ADAM12: variants seen among roughly 807,000 people sequenced by gnomAD.
ADAM12 encodes the protein ADAM metallopeptidase domain 12.
A neutral mutation model predicts 106.4 loss-of-function variants in ADAM12; 70 were observed. The ratio of observed to expected loss-of-function variants is 0.66; its 90% CI spans 0.54 to 0.80. The LOEUF (loss-of-function observed/expected upper bound fraction) is 0.80. ADAM12 is among the 30% of genes least tolerant of loss of function. The pLI is 0.00. For missense variants in ADAM12, 1,010 were observed against 1,171.9 expected (o/e 0.86, Z 2.02); for synonymous variants, 420 against 433.5 (o/e 0.97, Z 0.39).
At chr10:126,235,750 C>T (rs892039916) in intron 3 of ADAM12, among the ~76,000 whole-genome samples, 14 of 152,312 alleles carry the variant, frequency 9.2e-5, no homozygotes, top group African/African-American at 3.1e-4. Context: ...AATCTGCTTA[C>T]AAACCATTGG....
chr10:126,103,382 T>C (rs1468060119), intron 8 of ADAM12, among the ~76,000 whole-genome samples: 3 of 152,188 alleles, frequency 2.0e-5, no homozygotes, highest in Non-Finnish European at 4.4e-5. Flanking sequence ...TTCTTCCTAA[T>C]AACCACCACC....
At chr10:126,143,125 T>C (rs575755346) in intron 4 of ADAM12, among the ~76,000 whole-genome samples, 1 of 151,576 alleles carries the variant, frequency 6.6e-6, no homozygotes, top group East Asian at 1.9e-4. Flanking sequence ...TGCATATGCA[T>C]GTGTATATCA....
chr10:126,045,969 A>G (rs1440752749), intron 17 of ADAM12, 86 bp downstream of exon 17: 5 of 1,213,662 alleles, frequency 4.1e-6, no homozygotes, highest in Admixed American at 3.4e-5. Context: ...AAAAAATGCT[A>G]TGGATTGCAA....
At position 126,094,124 on chromosome 10, in the gene ADAM12, C is replaced by G. The variant is rs775032053; in HGVS notation, c.1006G>C (p.Asp336His). The G allele has an allele frequency of 1.9e-6, 3 of 1,613,942 alleles. No homozygotes were observed. The South Asian group carries it at 3.3e-5, about 18-fold the overall frequency. Reference protein sequence around the residue: ...QSGGIVMDHSDNPLGAAVTLA... With the variant: ...QSGGIVMDHSHNPLGAAVTLA... Reference sequence around the variant, plus strand: ...GTCACGGCTGCACCAAGGGGATTGTCTGAATGGTCCTCAAAGAAAACACAA... The same window carrying G: ...GTCACGGCTGCACCAAGGGGATTGTGTGAATGGTCCTCAAAGAAAACACAA... Residue 336 changes from aspartate (D) to histidine (H), a missense_variant, in exon 11 of 23, where the codon GAC becomes CAC. Around this residue, in one of 3 missense-constraint regions of ADAM12, gnomAD observed 391 missense variants for 442.9 expected, o/e 0.88. Coordinates refer to ENST00000448723, the MANE Select transcript of ADAM12 (RefSeq NM_001288973.2).
At chr10:126,128,857 G>A (rs1956254720) in intron 5 of ADAM12, among the ~76,000 whole-genome samples, 1 of 151,054 alleles carries the variant, frequency 6.6e-6, no homozygotes, top group African/African-American at 2.4e-5. Context: ...ATGTGTGCAA[G>A]TGGGCGCCTG....
intron 2 of ADAM12, among the ~76,000 whole-genome samples, chr10:126,286,271 C>CG (rs1959856663): frequency 6.6e-6 from 1 of 151,974 alleles, no homozygotes; most frequent in Non-Finnish European, 1.5e-5. Flanking sequence ...GGCAGTGGAA[C>CG]GGCAGCAGGT....
chr10:126,131,819 C>T (rs1036556285), intron 5 of ADAM12, among the ~76,000 whole-genome samples: 3 of 152,128 alleles, frequency 2.0e-5, no homozygotes, highest in Non-Finnish European at 4.4e-5. Flanking sequence ...AAGATAGTGC[C>T]TGAGAATGAA....
chr10:126,052,435 T>C (rs1371324560), intron 14 of ADAM12, among the ~76,000 whole-genome samples: 1 of 152,258 alleles, frequency 6.6e-6, no homozygotes, highest in Non-Finnish European at 1.5e-5. Context: ...TTCTGCTACC[T>C]TTATTATAAA....
chr10:126,215,427 C>T (rs1957970441), intron 3 of ADAM12, among the ~76,000 whole-genome samples: 1 of 152,160 alleles, frequency 6.6e-6, no homozygotes, highest in Non-Finnish European at 1.5e-5. Flanking sequence ...CAGGACAGGG[C>T]CTTCCCCTTG....
chr10:126,123,258 T>A (rs1956145097), intron 5 of ADAM12, among the ~76,000 whole-genome samples: 1 of 152,234 alleles, frequency 6.6e-6, no homozygotes, highest in Admixed American at 6.5e-5. Context: ...TTACTGGCCC[T>A]GAGTTAGATA....
chr10:126,268,698 A>T (rs998550381), intron 3 of ADAM12, among the ~76,000 whole-genome samples: 10 of 152,238 alleles, frequency 6.6e-5, no homozygotes, highest in Non-Finnish European at 1.5e-5. Flanking sequence ...AACATGGCCA[A>T]TCACAGACAG....
chr10:126,264,339 A>G (rs2133717337), intron 3 of ADAM12, among the ~76,000 whole-genome samples: 1 of 152,324 alleles, frequency 6.6e-6, no homozygotes. Flanking sequence ...GAAGCTGAAG[A>G]AGTGGCCTTA....
intron 3 of ADAM12, among the ~76,000 whole-genome samples, chr10:126,170,141 T>C (rs2133760841): frequency 6.6e-6 from 1 of 152,316 alleles, no homozygotes; most frequent in Middle Eastern, 3.4e-3. Context: ...CTGGCAGACT[T>C]GCAGACTGGC....
At chr10:126,169,933 CT>C (rs1397002859) in intron 3 of ADAM12, among the ~76,000 whole-genome samples, 1 of 152,240 alleles carries the variant, frequency 6.6e-6, no homozygotes, top group Non-Finnish European at 1.5e-5. Flanking sequence ...AGATTGGCAT[CT>C]TCCGCCTAGC....
chr10:126,125,106 C>A (rs1466594406), intron 5 of ADAM12, among the ~76,000 whole-genome samples: 1 of 151,998 alleles, frequency 6.6e-6, no homozygotes, highest in African/African-American at 2.4e-5. Flanking sequence ...CTGAGTCATG[C>A]AAACATCACC....
Position 126,277,953 on chromosome 10 carries a change from C to G in ADAM12, c.260+962G>C, listed in dbSNP as rs1400907814. The stretch of plus-strand genomic sequence containing the variant: ...AAATGCTCAAATCAAAGCACCAACA[C>G]AAGTAAATGATCTGAGTTGTTTACA... On this transcript the variant is annotated intron_variant, in intron 3 of 22. Coordinates refer to ENST00000448723, the MANE Select transcript of ADAM12 (RefSeq NM_001288973.2). Among the ~76,000 whole-genome samples, 3 of 152,182 alleles carry G rather than the reference C, an allele frequency of 2.0e-5. No individual in the cohort carries two copies. In the East Asian group the frequency reaches 5.8e-4, roughly 29 times the overall value.
chr10:126,101,333 G>T, intron 8 of ADAM12, 92 bp from the exon 9 acceptor site: 1 of 1,311,918 alleles, frequency 7.6e-7, no homozygotes, highest in Non-Finnish European at 1.1e-6. Flanking sequence ...TTATTTGAGG[G>T]TCACTGACAC....
chr10:126,344,708 GT>G (rs113893003), intron 1 of ADAM12, among the ~76,000 whole-genome samples: 2,198 of 152,260 alleles, frequency 0.014, 63 homozygotes, highest in African/African-American at 0.051. Context: ...TTGAGCAGTG[GT>G]TTGTTGTTCT....
At chr10:126,235,963 G>C (rs1958407291) in intron 3 of ADAM12, among the ~76,000 whole-genome samples, 1 of 152,120 alleles carries the variant, frequency 6.6e-6, no homozygotes, top group African/African-American at 2.4e-5. Flanking sequence ...GGGGCTGGGG[G>C]AGCAGAGGCG....
Sources: allele counts gnomAD v4.1 joint callset (sites outside exome capture counted in the v4.1 genomes callset), GRCh38; gene constraint gnomAD v4.1.1; regional missense constraint gnomAD v4.1.1; transcripts MANE v1.5; gene names NCBI Gene and HGNC (gene_info 2026-07-23, HGNC 2026-07-21).